Variants in GMDS observed in about 807,000 individuals in gnomAD.
GMDS encodes GDP-mannose 4,6-dehydratase.
Under a neutral mutation model 49.9 loss-of-function variants are expected in GMDS, and 20 were observed. The ratio of observed to expected loss-of-function variants is 0.40; its 90% CI spans 0.28 to 0.58. The LOEUF is 0.58. Among genes scored for constraint, GMDS ranks in the 20% least tolerant of loss-of-function variants. The pLI is 0.42. For missense variants in GMDS, 362 were observed against 481.4 expected (o/e 0.75, Z 2.32); for synonymous variants, 177 against 178.6 (o/e 0.99, Z 0.07).
chr6:2,116,678 G>A (rs1021260831), intron 3 of GMDS, among the ~76,000 whole-genome samples: 2 of 152,184 alleles, frequency 1.3e-5, no homozygotes, highest in African/African-American at 4.8e-5. Flanking sequence ...ATATGCAGGG[G>A]TCAGGGGTGA....
chr6:1,731,289 C>G (rs1402274971), intron 8 of GMDS, among the ~76,000 whole-genome samples: 3 of 152,118 alleles, frequency 2.0e-5, no homozygotes, highest in Non-Finnish European at 2.9e-5. Flanking sequence ...AAAGAGAGTA[C>G]AGAAAAAATG....
At chr6:1,767,291 C>G (rs576837942) in intron 7 of GMDS, among the ~76,000 whole-genome samples, 1 of 151,984 alleles carries the variant, frequency 6.6e-6, no homozygotes, top group Non-Finnish European at 1.5e-5. Context: ...TCCTGTATAA[C>G]AGAAACGACA....
chr6:2,099,537 T>C (rs1359616162), intron 4 of GMDS, among the ~76,000 whole-genome samples: 1 of 152,138 alleles, frequency 6.6e-6, no homozygotes. Context: ...TGTATATTTA[T>C]TTACCTGTAA....
Position 1,969,261 on chromosome 6 carries a change from CAAAAAAAAAAAA to C in GMDS, c.346-8307_346-8296del, listed in dbSNP as rs761741871. On this transcript the variant is annotated intron_variant, in intron 4 of 10. Transcript: ENST00000380815. ...TGGGTGACAGAGTGAGGCTCCATCT[CAAAAAAAAAAAA>C]AAAAAAAAAAAAAAAAAGAGAAAGA... 2.0e-3 allele frequency among the ~76,000 whole-genome samples: 28 copies of C among 14,098 alleles called. 1 individual carries two copies. The highest frequency in any genetic ancestry group is 6.8e-3 in the South Asian group (2 of 296). 9.2% of individuals were successfully genotyped at this position (14,098 alleles called of 152,430 possible). A position where few individuals can be genotyped will look rare whatever the true frequency, so the allele number is the denominator to read the frequency against.
chr6:1,851,258 G>A (rs556711634), intron 7 of GMDS, among the ~76,000 whole-genome samples: 7 of 152,194 alleles, frequency 4.6e-5, no homozygotes, highest in Non-Finnish European at 7.3e-5. Context: ...GGGAAAGGCC[G>A]AGTGATTAGC....
chr6:2,201,968 G>A (rs1227812910), intron 1 of GMDS, among the ~76,000 whole-genome samples: 2 of 133,056 alleles, frequency 1.5e-5, no homozygotes, highest in Non-Finnish European at 3.2e-5. Flanking sequence ...TAGGCAGTGA[G>A]GGCAGCATGT....
intron 9 of GMDS, among the ~76,000 whole-genome samples, chr6:1,652,282 G>A: frequency 7.4e-6 from 1 of 135,920 alleles, no homozygotes; most frequent in Admixed American, 8.6e-5. Context: ...TGAGGCAGGA[G>A]AATCTCTTGA....
At position 2,135,835 on chromosome 6, in the gene GMDS, A is replaced by T. The variant is rs114543406; in HGVS notation, c.103-11104T>A. On this transcript the variant is annotated intron_variant, in intron 1 of 10. Coordinates refer to ENST00000380815, the MANE Select transcript of GMDS (RefSeq NM_001500.4). ...TGTTTTATGCACATGTTAATAAAAA[A>T]TTATCCAGATATTTTACATACTTTT... Among the ~76,000 whole-genome samples the T allele has an allele frequency of 1.2e-4, 19 of 152,356 alleles. No homozygotes were observed. In the East Asian group the frequency reaches 1.9e-3, roughly 15 times the overall value.
chr6:2,069,862 A>C (rs1307178994), intron 4 of GMDS, among the ~76,000 whole-genome samples: 1 of 152,112 alleles, frequency 6.6e-6, no homozygotes, highest in Non-Finnish European at 1.5e-5. Flanking sequence ...CAGTGTGGCG[A>C]TCCCTCAGGT....
At chr6:2,047,302 TGTG>T (rs1770080134) in intron 4 of GMDS, among the ~76,000 whole-genome samples, 3 of 152,176 alleles carry the variant, frequency 2.0e-5, no homozygotes, top group African/African-American at 7.2e-5. Context: ...GCAATATCCT[TGTG>T]AAGTGGATTC....
At chr6:2,155,300 C>T (rs896148110) in intron 1 of GMDS, among the ~76,000 whole-genome samples, 2 of 152,082 alleles carry the variant, frequency 1.3e-5, no homozygotes, top group Admixed American at 1.3e-4. Context: ...AACACAAAAG[C>T]TGAGAAGCTG....
chr6:1,959,504 C>T (rs1273802250), intron 6 of GMDS, among the ~76,000 whole-genome samples: 1 of 152,186 alleles, frequency 6.6e-6, no homozygotes, highest in South Asian at 2.1e-4. Flanking sequence ...CAGATTGAGT[C>T]TATTTGAATA....
chr6:2,077,043 T>C (rs1772385983), intron 4 of GMDS, among the ~76,000 whole-genome samples: 1 of 152,176 alleles, frequency 6.6e-6, no homozygotes, highest in Non-Finnish European at 1.5e-5. Flanking sequence ...CTATGTTTTT[T>C]TAATAGCTAG....
At chr6:2,124,307 T>TACAGAGAA (rs1775298628) in intron 2 of GMDS, among the ~76,000 whole-genome samples, 1 of 152,192 alleles carries the variant, frequency 6.6e-6, no homozygotes, top group African/African-American at 2.4e-5. Flanking sequence ...CAGCTTGGTT[T>TACAGAGAA]TTATTGTTCT....
At chr6:1,730,166 A>G (rs575455939) in intron 8 of GMDS, among the ~76,000 whole-genome samples, 16 of 152,342 alleles carry the variant, frequency 1.1e-4, no homozygotes, top group African/African-American at 1.9e-4. Flanking sequence ...AGGAGCTAAA[A>G]TTTAGTCAGT....
intron 4 of GMDS, among the ~76,000 whole-genome samples, chr6:1,987,739 T>C (rs1005337442): frequency 2.6e-5 from 4 of 152,152 alleles, no homozygotes; most frequent in Non-Finnish European, 5.9e-5. Flanking sequence ...AACATAAAAA[T>C]GGAAATGTAG....
chr6:1,929,663 C>CAA (rs35337381), intron 7 of GMDS, among the ~76,000 whole-genome samples: 62,139 of 151,870 alleles, frequency 0.41, 13,281 homozygotes, highest in Middle Eastern at 0.49. Context: ...CAGCAGAAAG[C>CAA]AGAGTTCCAT....
chr6:1,714,981 G>C (rs1473808456), intron 9 of GMDS, among the ~76,000 whole-genome samples: 3 of 152,230 alleles, frequency 2.0e-5, no homozygotes, highest in Non-Finnish European at 4.4e-5. Context: ...GCTTGTGTGA[G>C]ACAGTTGGGA....
At chr6:2,032,777 T>C (rs1472223417) in intron 4 of GMDS, among the ~76,000 whole-genome samples, 3 of 152,164 alleles carry the variant, frequency 2.0e-5, no homozygotes, top group Admixed American at 6.5e-5. Context: ...AATTCACAGG[T>C]AGCTAAAACG....
Sources: allele counts gnomAD v4.1 joint callset (sites outside exome capture counted in the v4.1 genomes callset), GRCh38; gene constraint gnomAD v4.1.1; transcripts MANE v1.5; gene names NCBI Gene and HGNC (gene_info 2026-07-23, HGNC 2026-07-21).